The following MARCHF1 variants were observed in gnomAD, a reference collection of about 807,000 sequenced individuals.
MARCHF1 encodes E3 ubiquitin-protein ligase MARCHF1.
In MARCHF1, 40 loss-of-function variants were observed where a neutral mutation model predicts 54.2. That is an observed-to-expected ratio of 0.74 (90% CI 0.57 to 0.96). MARCHF1 has a LOEUF of 0.96. MARCHF1 is among the 40% of genes least tolerant of loss of function. The pLI, the probability that MARCHF1 is intolerant of heterozygous loss-of-function variation, is 0.00. For missense variants in MARCHF1, 586 were observed against 656.5 expected, an observed-to-expected ratio of 0.89 and a Z score of 1.17; for synonymous variants, 236 against 236.3, an observed-to-expected ratio of 1.00 and a Z score of 0.01.
intron 2 of MARCHF1, among the ~76,000 whole-genome samples, chr4:164,042,921 G>T (rs1480684572): frequency 6.6e-6 from 1 of 152,184 alleles, no homozygotes; most frequent in Non-Finnish European, 1.5e-5. Flanking sequence ...CAATATTAAA[G>T]TTCCAAAATA....
chr4:164,018,806 G>A (rs1001379119), intron 2 of MARCHF1, among the ~76,000 whole-genome samples: 7 of 152,228 alleles, frequency 4.6e-5, no homozygotes, highest in African/African-American at 1.4e-4. Flanking sequence ...AATGTGACAT[G>A]GTGGTTTTCA....
intron 3 of MARCHF1, chr4:163,932,969 G>C: frequency 8.0e-6 from 6 of 752,092 alleles, no homozygotes; most frequent in Non-Finnish European, 1.2e-5. Context: ...CTTACCAAAA[G>C]GCATTTGATA....
At chr4:163,631,524 A>G (rs1698072678) in intron 5 of MARCHF1, among the ~76,000 whole-genome samples, 1 of 152,196 alleles carries the variant, frequency 6.6e-6, no homozygotes, top group East Asian at 1.9e-4. Context: ...AAGATTGTCT[A>G]TTGGTTTGAG....
chr4:163,804,152 T>A (rs1341306819), intron 4 of MARCHF1, among the ~76,000 whole-genome samples: 2 of 152,194 alleles, frequency 1.3e-5, no homozygotes, highest in Non-Finnish European at 2.9e-5. Context: ...CTCATAGACA[T>A]CTTCACTTGC....
chr4:163,724,809 T>G (rs933563150), intron 4 of MARCHF1, among the ~76,000 whole-genome samples: 1 of 152,110 alleles, frequency 6.6e-6, no homozygotes, highest in Admixed American at 6.6e-5. Flanking sequence ...CTCCAAGCCA[T>G]GCATGGGATA....
At chr4:164,033,167 C>A (rs2110997997) in intron 2 of MARCHF1, among the ~76,000 whole-genome samples, 1 of 150,024 alleles carries the variant, frequency 6.7e-6, no homozygotes, top group East Asian at 2.0e-4. Flanking sequence ...GAGCAAGACT[C>A]CATCTCGGGA....
rs1160385206 is a variant in MARCHF1 at position 163,620,592 on chromosome 4, CACACACACACACACAGAGAGAGAGAGAG to C, written c.163-7227_163-7200del. On this transcript the variant is annotated intron_variant, in intron 5 of 9. Transcript: ENST00000514618. ...CCACACACACACACACACACACACA[CACACACACACACACAGAGAGAGAGAGAG>C]AGAGAGAGAGAGAGAGAGAGAGAGA... Among the ~76,000 whole-genome samples, 40 of 86,222 alleles carry C rather than the reference CACACACACACACACAGAGAGAGAGAGAG, an allele frequency of 4.6e-4. No homozygotes were observed. In the South Asian group the frequency reaches 0.011, roughly 23 times the overall value. 56.6% of individuals were successfully genotyped at this position (86,222 alleles called of 152,430 possible). A position where few individuals can be genotyped will look rare whatever the true frequency, so the allele number is the denominator to read the frequency against.
At chr4:163,647,586 A>C (rs1461168469) in intron 5 of MARCHF1, among the ~76,000 whole-genome samples, 1 of 152,062 alleles carries the variant, frequency 6.6e-6, no homozygotes, top group East Asian at 1.9e-4. Context: ...CAATAGTATA[A>C]AACTAGGAAA....
intron 5 of MARCHF1, among the ~76,000 whole-genome samples, chr4:163,646,891 G>A (rs991701309): frequency 1.3e-5 from 2 of 151,966 alleles, no homozygotes; most frequent in Non-Finnish European, 2.9e-5. Flanking sequence ...TACTAAAATG[G>A]CAGTAGTAAG....
chr4:164,216,491 A>C (rs1246034314), intron 1 of MARCHF1, among the ~76,000 whole-genome samples: 1 of 152,238 alleles, frequency 6.6e-6, no homozygotes, highest in Non-Finnish European at 1.5e-5. Context: ...CTTTACAAGG[A>C]ATAGCAGTAG....
At chr4:163,534,460 T>G (rs1738463979) in intron 9 of MARCHF1, among the ~76,000 whole-genome samples, 1 of 151,276 alleles carries the variant, frequency 6.6e-6, no homozygotes, top group South Asian at 2.1e-4. Context: ...AACTTCTTAA[T>G]AAAACTAGGA....
At chr4:163,886,658 TG>T (rs1243241947) in intron 3 of MARCHF1, among the ~76,000 whole-genome samples, 4 of 152,074 alleles carry the variant, frequency 2.6e-5, no homozygotes, top group Non-Finnish European at 5.9e-5. Context: ...CTTTTGTGTT[TG>T]GGGGGAACTT....
chr4:163,712,632 A>G (rs188935198), intron 4 of MARCHF1, among the ~76,000 whole-genome samples: 1 of 152,288 alleles, frequency 6.6e-6, no homozygotes, highest in Non-Finnish European at 1.5e-5. Flanking sequence ...TAATATGTAA[A>G]TAAATGAGAT....
chr4:163,780,127 A>G (rs1350983181), intron 4 of MARCHF1, among the ~76,000 whole-genome samples: 2 of 152,208 alleles, frequency 1.3e-5, no homozygotes, highest in African/African-American at 2.4e-5. Flanking sequence ...TTTCCTAAAG[A>G]CAGGTGAAAA....
intron 2 of MARCHF1, among the ~76,000 whole-genome samples, chr4:164,025,283 T>C (rs1753742324): frequency 6.6e-6 from 1 of 152,134 alleles, no homozygotes; most frequent in South Asian, 2.1e-4. Flanking sequence ...TCACGGAATA[T>C]ACATTCTTCT....
At chr4:164,114,296 T>C (rs1195459954) in intron 1 of MARCHF1, among the ~76,000 whole-genome samples, 2 of 151,942 alleles carry the variant, frequency 1.3e-5, no homozygotes, top group Non-Finnish European at 2.9e-5. Context: ...ATGCACTGGT[T>C]ATATTTAATA....
chr4:163,820,068 C>G (rs1464450289), intron 4 of MARCHF1, among the ~76,000 whole-genome samples: 1 of 152,056 alleles, frequency 6.6e-6, no homozygotes, highest in Non-Finnish European at 1.5e-5. Context: ...TCTTCCATAG[C>G]CCAATTTTTT....
At chr4:164,275,997 C>T (rs566698344) in intron 1 of MARCHF1, among the ~76,000 whole-genome samples, 3 of 152,162 alleles carry the variant, frequency 2.0e-5, no homozygotes, top group Non-Finnish European at 1.5e-5. Flanking sequence ...CTGGATCTAT[C>T]TCAACTGCTT....
chr4:164,209,554 T>C (rs1348042745), intron 1 of MARCHF1, among the ~76,000 whole-genome samples: 1 of 152,068 alleles, frequency 6.6e-6, no homozygotes, highest in Non-Finnish European at 1.5e-5. Flanking sequence ...AATCCTGCAG[T>C]ACAAAGCAAA....
Sources: gnomAD v4.1 joint callset for allele counts (sites outside exome capture counted in the v4.1 genomes callset) on GRCh38, gnomAD v4.1.1 for gene constraint, MANE v1.5 for transcripts, NCBI Gene and HGNC (gene_info 2026-07-23, HGNC 2026-07-21) for gene names.